Variants in PDCD6IP observed in about 807,000 individuals in gnomAD.
PDCD6IP encodes the protein programmed cell death 6 interacting protein, also known as programmed cell death 6-interacting protein.
PDCD6IP carries 43 observed loss-of-function variants against 103.7 expected under a neutral mutation model. The observed-to-expected ratio is 0.41, with a 90% CI of 0.32 to 0.53. The LOEUF is 0.53. Ranked by LOEUF, PDCD6IP falls within the 20% of genes least tolerant of loss-of-function variation. The pLI is 0.16. For missense variants in PDCD6IP, 871 were observed against 1,036.7 expected, an observed-to-expected ratio of 0.84 and a Z score of 2.20; for synonymous variants, 354 against 378.7, an observed-to-expected ratio of 0.93 and a Z score of 0.76.
In PDCD6IP at chr3:33,853,951, A is replaced by C. The variant is rs143703400; in HGVS notation, c.1963A>C (p.Asn655His). Residue 655 changes from asparagine (N) to histidine (H), a missense_variant, in exon 14 of 18, where the codon AAT becomes CAT. By Grantham distance (68) the Asn-to-His change is moderately conservative. This residue lies in a region of PDCD6IP where 266 missense variants were observed against 390.5 expected (regional missense o/e 0.68). Coordinates refer to ENST00000307296, the MANE Select transcript of PDCD6IP (RefSeq NM_013374.6). Reference sequence around the variant, plus strand: ...TAACTTAAGAGAAGAAGTTTTGAAGAATTTAGCTACTGCATATGACAACTT... The same window carrying C: ...TAACTTAAGAGAAGAAGTTTTGAAGCATTTAGCTACTGCATATGACAACTT... ...EANLREEVLK[N>H]LATAYDNFVE... 14 of 1,590,236 alleles carry C rather than the reference A, an allele frequency of 8.8e-6. No homozygotes were observed. Among genetic ancestry groups the C allele is most frequent in the Non-Finnish European group, 1.2e-5 (14 of 1,172,560 alleles).
intron 1 of PDCD6IP, among the ~76,000 whole-genome samples, chr3:33,799,848 C>T (rs1696429413): frequency 6.6e-6 from 1 of 151,982 alleles, no homozygotes; most frequent in Admixed American, 6.6e-5. Flanking sequence ...CTGCCGGGCG[C>T]GGTGGCTCAC....
At chr3:33,855,344 G>GTATGAGA (rs1366683708) in intron 15 of PDCD6IP, 84 bp downstream of exon 15, 3 of 767,328 alleles carry the variant, frequency 3.9e-6, no homozygotes, top group Non-Finnish European at 2.2e-6. Flanking sequence ...GAACTTGGTA[G>GTATGAGA]TATGAGATAG....
intron 1 of PDCD6IP, among the ~76,000 whole-genome samples, chr3:33,801,171 T>G (rs1382564277): frequency 6.6e-6 from 1 of 152,222 alleles, no homozygotes; most frequent in Non-Finnish European, 1.5e-5. Flanking sequence ...ACAAAAGTTT[T>G]GTAGGTATAT....
At chr3:33,843,656 C>T (rs1697522860) in intron 10 of PDCD6IP, among the ~76,000 whole-genome samples, 1 of 151,920 alleles carries the variant, frequency 6.6e-6, no homozygotes, top group Non-Finnish European at 1.5e-5. Context: ...GTTTCTGGCC[C>T]CCTACTATCC....
At chr3:33,804,953 C>T (rs1246869761) in intron 1 of PDCD6IP, among the ~76,000 whole-genome samples, 1 of 152,188 alleles carries the variant, frequency 6.6e-6, no homozygotes, top group East Asian at 1.9e-4. Context: ...AGTTGCACAT[C>T]CCTAAATACA....
chr3:33,838,528 G>A (rs1481537820), intron 9 of PDCD6IP, among the ~76,000 whole-genome samples: 1 of 151,946 alleles, frequency 6.6e-6, no homozygotes, highest in Non-Finnish European at 1.5e-5. Context: ...ATAGAAACAA[G>A]GTGAGGATAT....
chr3:33,817,182 C>G (rs1696872111), intron 3 of PDCD6IP, among the ~76,000 whole-genome samples: 1 of 152,154 alleles, frequency 6.6e-6, no homozygotes, highest in Non-Finnish European at 1.5e-5. Context: ...TCTAGGGTCC[C>G]CGGAATTGGG....
chr3:33,848,632 T>A (rs1697647915), intron 12 of PDCD6IP, among the ~76,000 whole-genome samples: 1 of 152,190 alleles, frequency 6.6e-6, no homozygotes. Flanking sequence ...CTCGATCGCT[T>A]GACCTTGTGA....
At position 33,864,012 on chromosome 3, in the gene PDCD6IP, G is replaced by A. The variant is rs956304319; in HGVS notation, c.2127G>A (p.Leu709=). ...KTERDELLKD[L]QQSIAREPSA... ...ACACTCTGTCTTTGATAAGGGACTT[G>A]CAACAAAGCATTGCCAGAGAACCTA... is the stretch of plus-strand genomic sequence containing the variant. Residue 709 remains leucine, a synonymous_variant, in exon 16 of 18, where the codon TTG becomes TTA. Coordinates refer to ENST00000307296, the MANE Select transcript of PDCD6IP (RefSeq NM_013374.6). 7 of 1,611,272 alleles carry A rather than the reference G, an allele frequency of 4.3e-6. No homozygotes were observed. The highest frequency in any genetic ancestry group is 5.9e-6 in the Non-Finnish European group (7 of 1,177,812).
At position 33,867,104 on chromosome 3, in the gene PDCD6IP, G is replaced by A. The variant is rs1047187825; in HGVS notation, c.*579G>A. 1.3e-5 allele frequency: 2 copies of A among 152,086 alleles called. No homozygotes were observed. The highest frequency in any genetic ancestry group is 2.4e-5 in the African/African-American group (1 of 41,402). The allele number at this position is 152,086 out of a possible 1,614,324, so 9.4% of individuals were successfully genotyped here. On this transcript the variant is annotated 3_prime_UTR_variant, in exon 18 of 18. Transcript: ENST00000307296. ...TATGTATATAAGTTAAACAGATACT[G>A]TTTTTAAGTGCATGAATAGTACAAG...
intron 7 of PDCD6IP, chr3:33,835,408 T>G (rs1253286269): frequency 4.6e-6 from 2 of 430,656 alleles, no homozygotes; most frequent in African/African-American, 4.1e-5. Flanking sequence ...TGCTAATTCT[T>G]TGGATGTAGA....
chr3:33,800,947 C>A (rs375166183), intron 1 of PDCD6IP, among the ~76,000 whole-genome samples: 1 of 152,116 alleles, frequency 6.6e-6, no homozygotes, highest in East Asian at 1.9e-4. Context: ...TTCCTTTATT[C>A]TTTTTACCAG....
At chr3:33,820,158 C>T (rs1696956416) in intron 3 of PDCD6IP, among the ~76,000 whole-genome samples, 1 of 152,234 alleles carries the variant, frequency 6.6e-6, no homozygotes, top group Admixed American at 6.5e-5. Flanking sequence ...GTGGCCTGTG[C>T]CTGTAGTCCC....
intron 7 of PDCD6IP, among the ~76,000 whole-genome samples, chr3:33,829,985 C>A (rs1697212144): frequency 6.6e-6 from 1 of 152,114 alleles, no homozygotes; most frequent in Non-Finnish European, 1.5e-5. Flanking sequence ...TGGTAACTAA[C>A]CCTCTCCCAT....
rs1159471127 is a variant in PDCD6IP, at chr3:33,867,847, C to T, written c.*1322C>T. 6.6e-6 allele frequency: 1 copy of T among 152,086 alleles called. No individual in the cohort carries two copies. The highest frequency in any genetic ancestry group is 6.6e-5 in the Admixed American group (1 of 15,256). The allele number at this position is 152,086 out of a possible 1,614,324, so 9.4% of individuals were successfully genotyped here. A position where few individuals can be genotyped will look rare whatever the true frequency, so the allele number is the denominator to read the frequency against. Reference sequence around the variant, plus strand: ...TTATTTTCTGAGTTTCAACGCTGACCTTTTCTTGCATTATTGTTTCATTTT... The same window carrying T: ...TTATTTTCTGAGTTTCAACGCTGACTTTTTCTTGCATTATTGTTTCATTTT... On this transcript the variant is annotated 3_prime_UTR_variant, in exon 18 of 18. Transcript: ENST00000307296.
intron 4 of PDCD6IP, among the ~76,000 whole-genome samples, chr3:33,823,421 A>G (rs890382491): frequency 9.9e-5 from 15 of 152,244 alleles, no homozygotes; most frequent in African/African-American, 3.6e-4. Context: ...ACAGTTTTGA[A>G]TGGGCATAGA....
At chr3:33,818,949 A>G (rs944837668) in intron 3 of PDCD6IP, among the ~76,000 whole-genome samples, 1 of 152,164 alleles carries the variant, frequency 6.6e-6, no homozygotes, top group Admixed American at 6.5e-5. Context: ...AGAAATCTCA[A>G]AAGACTTAAT....
At position 33,866,336 on chromosome 3, in the gene PDCD6IP, G is replaced by T. The variant is rs1002848370; in HGVS notation, c.2433-15G>T. ...TTGATTTACCAATCAAGATTTTTCTGTTTTCTTCTATCAGGTATTGCCAAA... is the reference window on the plus strand; with the variant it reads ...TTGATTTACCAATCAAGATTTTTCTTTTTTCTTCTATCAGGTATTGCCAAA... On this transcript the variant is annotated splice_polypyrimidine_tract_variant and intron_variant, in intron 17 of 17. Transcript: ENST00000307296. 3.6e-6 allele frequency: 5 copies of T among 1,398,702 alleles called. No individual in the cohort carries two copies. The highest frequency in any genetic ancestry group is 3.2e-5 in the African/African-American group (2 of 63,232). The allele number at this position is 1,398,702 out of a possible 1,614,324, so 86.6% of individuals were successfully genotyped here. A position where few individuals can be genotyped will look rare whatever the true frequency, so the allele number is the denominator to read the frequency against.
intron 6 of PDCD6IP, 38 bp downstream of exon 6, chr3:33,826,618 A>C (rs778065164): frequency 2.7e-5 from 43 of 1,607,722 alleles, no homozygotes; most frequent in Non-Finnish European, 3.7e-5. Flanking sequence ...CTTACTTTGC[A>C]TGTGAAATAT....
Sources: allele counts gnomAD v4.1 joint callset (sites outside exome capture counted in the v4.1 genomes callset), GRCh38; gene constraint gnomAD v4.1.1; regional missense constraint gnomAD v4.1.1; transcripts MANE v1.5; gene names NCBI Gene and HGNC (gene_info 2026-07-23, HGNC 2026-07-21).